SKAP1: variants seen among roughly 807,000 people sequenced by gnomAD.
SKAP1 encodes the protein src kinase-associated phosphoprotein 1.
A neutral mutation model predicts 58.5 loss-of-function variants in SKAP1; 44 were observed. The observed-to-expected ratio is 0.75, with a 90% CI of 0.59 to 0.97. The LOEUF is 0.97. SKAP1 is among the 50% of genes least tolerant of loss of function. The pLI is 0.00. For missense variants in SKAP1, 390 were observed against 435.2 expected (o/e 0.90, Z 0.92); for synonymous variants, 127 against 149.7 (o/e 0.85, Z 1.11).
intron 2 of SKAP1, among the ~76,000 whole-genome samples, chr17:48,385,636 T>C (rs976859986): frequency 2.0e-5 from 3 of 152,100 alleles, no homozygotes; most frequent in East Asian, 1.9e-4. Flanking sequence ...TGAAGCAAGA[T>C]TGAATAGTGA....
intron 4 of SKAP1, among the ~76,000 whole-genome samples, chr17:48,249,578 A>G (rs2065338214): frequency 6.6e-6 from 1 of 151,922 alleles, no homozygotes; most frequent in Non-Finnish European, 1.5e-5. Flanking sequence ...GGAGGCTGCG[A>G]CAGGAGAATC....
chr17:48,192,388 T>C (rs1036812184), intron 4 of SKAP1, among the ~76,000 whole-genome samples: 1 of 152,116 alleles, frequency 6.6e-6, no homozygotes, highest in Admixed American at 6.5e-5. Context: ...TGTTAAACGT[T>C]CTATTAGAAT....
At chr17:48,304,007 C>T (rs137957088) in intron 4 of SKAP1, among the ~76,000 whole-genome samples, 1 of 152,114 alleles carries the variant, frequency 6.6e-6, no homozygotes, top group East Asian at 1.9e-4. Context: ...CAGAAGTAAA[C>T]TTGGGAATGG....
chr17:48,306,613 T>C (rs946654238), intron 4 of SKAP1, among the ~76,000 whole-genome samples: 8 of 152,176 alleles, frequency 5.3e-5, no homozygotes, highest in African/African-American at 1.7e-4. Flanking sequence ...AAATCACCCA[T>C]AGTACTTAGT....
chr17:48,156,522 A>T, intron 11 of SKAP1: 1 of 523,562 alleles, frequency 1.9e-6, no homozygotes, highest in Non-Finnish European at 3.9e-6. Context: ...AGGGAAGTTT[A>T]GTCCCTCACC....
At chr17:48,258,015 G>A (rs909653862) in intron 4 of SKAP1, among the ~76,000 whole-genome samples, 1 of 152,000 alleles carries the variant, frequency 6.6e-6, no homozygotes, top group African/African-American at 2.4e-5. Flanking sequence ...TGGCCCACCT[G>A]TCTTCTTGCA....
chr17:48,389,058 A>G (rs2067313322), intron 2 of SKAP1, among the ~76,000 whole-genome samples: 1 of 152,238 alleles, frequency 6.6e-6, no homozygotes. Flanking sequence ...GAGTTTCAGC[A>G]TTTAATTATA....
chr17:48,203,669 G>C (rs946136092), intron 4 of SKAP1: 2 of 152,188 alleles, frequency 1.3e-5, no homozygotes, highest in African/African-American at 4.8e-5. Flanking sequence ...CACAGGGGCA[G>C]AGAAGTTTAT....
chr17:48,221,181 C>T (rs951343123), intron 4 of SKAP1, among the ~76,000 whole-genome samples: 4 of 151,836 alleles, frequency 2.6e-5, no homozygotes, highest in Non-Finnish European at 2.9e-5. Context: ...GCAGGAGAAG[C>T]GCTTGAACCT....
At chr17:48,350,996 C>T (rs2066793385) in intron 3 of SKAP1, among the ~76,000 whole-genome samples, 1 of 151,980 alleles carries the variant, frequency 6.6e-6, no homozygotes, top group African/African-American at 2.4e-5. Flanking sequence ...ATTAATATTG[C>T]CAGATTTTCA....
At chr17:48,405,148 A>C (rs558957019) in intron 1 of SKAP1, among the ~76,000 whole-genome samples, 5 of 152,320 alleles carry the variant, frequency 3.3e-5, no homozygotes, top group African/African-American at 1.2e-4. Flanking sequence ...ACAAAAATAA[A>C]TAATGGTTTG....
intron 4 of SKAP1, chr17:48,193,848 G>T (rs917103186): frequency 3.7e-6 from 2 of 547,606 alleles, no homozygotes; most frequent in Non-Finnish European, 4.6e-6. Flanking sequence ...TTTAAAGGAC[G>T]GTTATAAAAA....
At chr17:48,419,530 G>A (rs959652272) in intron 1 of SKAP1, among the ~76,000 whole-genome samples, 2 of 151,924 alleles carry the variant, frequency 1.3e-5, no homozygotes, top group African/African-American at 2.4e-5. Flanking sequence ...TGATCCACCC[G>A]CCTCAGCCTC....
chr17:48,330,387 A>G (rs973945796), intron 4 of SKAP1, among the ~76,000 whole-genome samples: 1 of 152,218 alleles, frequency 6.6e-6, no homozygotes, highest in African/African-American at 2.4e-5. Flanking sequence ...GCAGATTGGC[A>G]TAAAGGACTG....
At chr17:48,229,488 G>A (rs894354954) in intron 4 of SKAP1, among the ~76,000 whole-genome samples, 1 of 152,028 alleles carries the variant, frequency 6.6e-6, no homozygotes, top group Non-Finnish European at 1.5e-5. Context: ...GGGCGTTGTG[G>A]TGGGTGACTG....
chr17:48,319,165 C>A (rs554810752), intron 4 of SKAP1, among the ~76,000 whole-genome samples: 25 of 152,176 alleles, frequency 1.6e-4, no homozygotes, highest in African/African-American at 5.1e-4. Context: ...GTTTCTAGTC[C>A]CCTACAGATT....
At chr17:48,137,365 G>T in intron 11 of SKAP1, 28 bp from the exon 12 acceptor site, 1 of 1,470,638 alleles carries the variant, frequency 6.8e-7, no homozygotes, top group Non-Finnish European at 9.5e-7. Context: ...GATAGCGTCA[G>T]TTAGAATTTG....
At chr17:48,319,071 G>C (rs2066326810) in intron 4 of SKAP1, among the ~76,000 whole-genome samples, 1 of 152,164 alleles carries the variant, frequency 6.6e-6, no homozygotes, top group Admixed American at 6.6e-5. Flanking sequence ...ATGGTTTTCT[G>C]AGAGAGTGAA....
At chr17:48,424,426 C>T (rs541027764) in intron 1 of SKAP1, among the ~76,000 whole-genome samples, 15 of 151,214 alleles carry the variant, frequency 9.9e-5, no homozygotes, top group Middle Eastern at 3.4e-3. Flanking sequence ...GGGGTTTCAC[C>T]GTGTTAGCCA....
Sources: allele counts gnomAD v4.1 joint callset (sites outside exome capture counted in the v4.1 genomes callset), GRCh38; gene constraint gnomAD v4.1.1; transcripts MANE v1.5; gene names NCBI Gene and HGNC (gene_info 2026-07-23, HGNC 2026-07-21).